Variants in THSD7A observed in about 807,000 individuals in gnomAD.
THSD7A encodes thrombospondin type 1 domain containing 7A, also known as thrombospondin type-1 domain-containing protein 7A.
A neutral mutation model predicts 231.3 loss-of-function variants in THSD7A; 96 were observed. That is an observed-to-expected ratio of 0.41 (90% CI 0.35 to 0.49). The LOEUF is 0.49. Ranked by LOEUF, THSD7A falls within the 20% of genes least tolerant of loss-of-function variation. The probability of loss-of-function intolerance (pLI) is 0.05; values close to 1 mark genes in which losing one functional copy is unlikely to be tolerated. For missense variants in THSD7A, 2,290 were observed against 2,070.2 expected (o/e 1.11, Z -2.06); for synonymous variants, 940 against 743.3 (o/e 1.26, Z -4.30).
chr7:11,679,867 A>G (rs1783796900), intron 1 of THSD7A, among the ~76,000 whole-genome samples: 2 of 152,120 alleles, frequency 1.3e-5, no homozygotes, highest in Non-Finnish European at 2.9e-5. Context: ...TATGGAACCA[A>G]AAAAGAGCTT....
rs112677997 is a variant in THSD7A, at chr7:11,557,812, G to T, written c.1454-14695C>A. Among the ~76,000 whole-genome samples the T allele has an allele frequency of 7.9e-5, 12 of 152,268 alleles. 1 individual carries two copies. Among genetic ancestry groups the T allele is most frequent in the African/African-American group, 2.9e-4 (12 of 41,554 alleles). On this transcript the variant is annotated intron_variant, in intron 4 of 27. Coordinates refer to ENST00000423059, the MANE Select transcript of THSD7A (RefSeq NM_015204.3). ...GTGCTTTACCAGATAGCAACTAGCA[G>T]TGATGGAAGTGTCAGTTCCCTACTT... is the stretch of plus-strand genomic sequence containing the variant.
chr7:11,713,536 A>T (rs1220908742), intron 1 of THSD7A, among the ~76,000 whole-genome samples: 1 of 151,280 alleles, frequency 6.6e-6, no homozygotes, highest in African/African-American at 2.4e-5. Context: ...GTATACACAG[A>T]ATACAAGGAA....
At position 11,462,037 on chromosome 7, in the gene THSD7A, C is replaced by T; in HGVS notation, c.2475G>A (p.Glu825=). 6.2e-7 allele frequency: 1 copy of T among 1,613,732 alleles called. No individual in the cohort carries two copies. The highest frequency in any genetic ancestry group is 8.5e-7 in the Non-Finnish European group (1 of 1,179,708). ...TGTAGCTTTGGCACGCTTGAGGTGCCTCACAGGCCTTCTCTTCATAGAGGG... is the reference window on the plus strand; with the variant it reads ...TGTAGCTTTGGCACGCTTGAGGTGCTTCACAGGCCTTCTCTTCATAGAGGG... The part of the protein sequence containing the change: ...TDPLYEEKAC[E]APQACQSYRW... Residue 825 remains glutamate, a synonymous_variant, in exon 10 of 28, where the codon GAG becomes GAA. Transcript: ENST00000423059.
chr7:11,663,666 T>C lies in THSD7A; in HGVS notation c.191-26705A>G, dbSNP rs1584170465. ...TTTTTTAATGCAGTCATAAAGCCAATACAATACATCAAAAGGATAAAATAT... is the reference window on the plus strand; with the variant it reads ...TTTTTTAATGCAGTCATAAAGCCAACACAATACATCAAAAGGATAAAATAT... On this transcript the variant is annotated intron_variant, in intron 1 of 27. Coordinates refer to ENST00000423059, the MANE Select transcript of THSD7A (RefSeq NM_015204.3). 2.6e-5 allele frequency among the ~76,000 whole-genome samples: 4 copies of C among 151,472 alleles called. No individual in the cohort carries two copies. In the East Asian group the frequency reaches 5.8e-4, roughly 22 times the overall value.
intron 2 of THSD7A, among the ~76,000 whole-genome samples, chr7:11,601,953 C>G (rs1361933581): frequency 6.6e-6 from 1 of 152,088 alleles, no homozygotes; most frequent in Non-Finnish European, 1.5e-5. Context: ...AAAGCAAGGC[C>G]CATTTTCTTA....
chr7:11,503,036 G>A (rs1442793451), intron 6 of THSD7A, among the ~76,000 whole-genome samples: 3 of 152,038 alleles, frequency 2.0e-5, no homozygotes, highest in Admixed American at 2.0e-4. Context: ...GAAAGCTGAG[G>A]GCATCACATT....
In THSD7A at chr7:11,523,703, G is replaced by T. The variant is rs1473491017; in HGVS notation, c.1822+17716C>A. On this transcript the variant is annotated intron_variant, in intron 6 of 27. Transcript: ENST00000423059. ...GGTGAAAGAACAGAAGAATTCACAG[G>T]AATAATTGACAGGAAGATTAAAAAA... 2.0e-5 allele frequency among the ~76,000 whole-genome samples: 3 copies of T among 151,982 alleles called. No individual in the cohort carries two copies. In the East Asian group the frequency reaches 5.8e-4, roughly 29 times the overall value.
intron 2 of THSD7A, among the ~76,000 whole-genome samples, chr7:11,603,337 C>G (rs1299659438): frequency 6.6e-6 from 1 of 151,796 alleles, no homozygotes. Context: ...GATACCATCT[C>G]ACACCAGTTA....
At chr7:11,484,781 C>T (rs148218740) in intron 6 of THSD7A, among the ~76,000 whole-genome samples, 15 of 150,654 alleles carry the variant, frequency 1.0e-4, no homozygotes, top group Admixed American at 2.7e-4. Context: ...TAGGGCCTCC[C>T]GAAAGTGTAT....
chr7:11,509,294 T>C (rs1321931655), intron 6 of THSD7A, among the ~76,000 whole-genome samples: 1 of 152,182 alleles, frequency 6.6e-6, no homozygotes, highest in Non-Finnish European at 1.5e-5. Context: ...AGAGCAGTGA[T>C]GAACTGCAAT....
At chr7:11,707,013 A>G (rs914361510) in intron 1 of THSD7A, among the ~76,000 whole-genome samples, 4 of 150,786 alleles carry the variant, frequency 2.7e-5, no homozygotes, top group African/African-American at 9.7e-5. Context: ...AGTAGTCTAG[A>G]GAAAACTTTT....
At chr7:11,598,480 G>A (rs765334292) in intron 2 of THSD7A, among the ~76,000 whole-genome samples, 2 of 152,180 alleles carry the variant, frequency 1.3e-5, no homozygotes, top group Admixed American at 6.5e-5. Flanking sequence ...GGCACAGATG[G>A]AGGTTATGGA....
At chr7:11,826,424 T>C (rs1785028411) in intron 1 of THSD7A, among the ~76,000 whole-genome samples, 1 of 152,264 alleles carries the variant, frequency 6.6e-6, no homozygotes, top group African/African-American at 2.4e-5. Flanking sequence ...GTCTGATTAA[T>C]GCTAAGTCAG....
At chr7:11,804,465 C>T (rs1047521025) in intron 1 of THSD7A, among the ~76,000 whole-genome samples, 4 of 152,070 alleles carry the variant, frequency 2.6e-5, no homozygotes, top group African/African-American at 7.2e-5. Flanking sequence ...CTTCTTGATA[C>T]AAATAGACGT....
intron 1 of THSD7A, among the ~76,000 whole-genome samples, chr7:11,769,151 A>ATTTTTTTTTTTTTTTTTTTTTT (rs1422492872): frequency 8.5e-5 from 3 of 35,466 alleles, no homozygotes; most frequent in Non-Finnish European, 1.8e-4. Context: ...ATATATATAT[A>ATTTTTTTTTTTTTTTTTTTTTT]TATTTTTTTT....
chr7:11,567,347 A>G (rs1790396146), intron 4 of THSD7A, among the ~76,000 whole-genome samples: 3 of 147,456 alleles, frequency 2.0e-5, no homozygotes, highest in Non-Finnish European at 4.4e-5. Context: ...GTGAGAACTC[A>G]CTCACTGTCA....
At chr7:11,655,322 T>A (rs183468169) in intron 1 of THSD7A, among the ~76,000 whole-genome samples, 1 of 152,022 alleles carries the variant, frequency 6.6e-6, no homozygotes, top group Admixed American at 6.6e-5. Context: ...AAAGATGTTT[T>A]TTCAGGCTGG....
chr7:11,743,976 A>G (rs778427593), intron 1 of THSD7A, among the ~76,000 whole-genome samples: 33 of 151,904 alleles, frequency 2.2e-4, no homozygotes, highest in Non-Finnish European at 3.1e-4. Context: ...CACTTCAAAT[A>G]TAGACCAGTG....
At chr7:11,712,481 GA>G (rs1172082885) in intron 1 of THSD7A, among the ~76,000 whole-genome samples, 4 of 151,022 alleles carry the variant, frequency 2.6e-5, no homozygotes, top group African/African-American at 9.7e-5. Flanking sequence ...TTTACCTCTG[GA>G]AAAGGTCGAC....
Sources: allele counts gnomAD v4.1 joint callset (sites outside exome capture counted in the v4.1 genomes callset), GRCh38; gene constraint gnomAD v4.1.1; transcripts MANE v1.5; gene names NCBI Gene and HGNC (gene_info 2026-07-23, HGNC 2026-07-21).